The following MOB3B variants were observed in gnomAD, a reference collection of about 807,000 sequenced individuals.
MOB3B encodes MOB kinase activator-like 2B.
MOB3B carries 7 observed loss-of-function variants against 18.7 expected under a neutral mutation model. That is an observed-to-expected ratio of 0.37 (90% CI 0.21 to 0.70). The LOEUF (loss-of-function observed/expected upper bound fraction) is 0.70, where lower values mean the gene tolerates loss of function less well. MOB3B is among the 30% of genes least tolerant of loss of function. The pLI, the probability that MOB3B is intolerant of heterozygous loss-of-function variation, is 0.52. For missense variants in MOB3B, 253 were observed against 281.3 expected (o/e 0.90, Z 0.72); for synonymous variants, 111 against 99.9 (o/e 1.11, Z -0.66).
intron 3 of MOB3B, among the ~76,000 whole-genome samples, chr9:27,352,723 CACAAAGATGAGCAG>C (rs965395545): frequency 1.3e-5 from 2 of 152,182 alleles, no homozygotes; most frequent in African/African-American, 4.8e-5. Flanking sequence ...CACATCACAT[CACAAAGATGAGCAG>C]TGCTGCCCAG....
chr9:27,400,640 C>T lies in MOB3B; in HGVS notation c.419-41404G>A, dbSNP rs575526482. ...GTGATTTATTTGTCTAGACTGTGAA[C>T]ACTTCAAGAACAGGTGTGACATCAC... On this transcript the variant is annotated intron_variant, in intron 2 of 3. Transcript: ENST00000262244. Among the ~76,000 whole-genome samples, 6 of 152,316 alleles carry T rather than the reference C, an allele frequency of 3.9e-5. No individual in the cohort carries two copies. The South Asian group carries it at 6.2e-4, about 16-fold the overall frequency.
At chr9:27,483,324 G>T (rs920164435) in intron 1 of MOB3B, among the ~76,000 whole-genome samples, 1 of 151,734 alleles carries the variant, frequency 6.6e-6, no homozygotes, top group Non-Finnish European at 1.5e-5. Context: ...AATAGAAACG[G>T]GGTTTCACCG....
intron 2 of MOB3B, among the ~76,000 whole-genome samples, chr9:27,366,840 A>G (rs2131363084): frequency 6.6e-6 from 1 of 152,244 alleles, no homozygotes; most frequent in East Asian, 1.9e-4. Flanking sequence ...AGGCCCCTTT[A>G]TTGAGCACCT....
intron 3 of MOB3B, among the ~76,000 whole-genome samples, chr9:27,344,902 C>A (rs1344428959): frequency 6.6e-6 from 1 of 152,248 alleles, no homozygotes; most frequent in African/African-American, 2.4e-5. Flanking sequence ...CATACAATAA[C>A]AAAGCTGCTT....
intron 2 of MOB3B, among the ~76,000 whole-genome samples, chr9:27,394,641 G>A (rs1234988642): frequency 1.3e-5 from 2 of 152,232 alleles, no homozygotes; most frequent in African/African-American, 2.4e-5. Context: ...ATAGGAACCT[G>A]ACGGTCACAC....
At chr9:27,376,055 T>C (rs183780231) in intron 2 of MOB3B, among the ~76,000 whole-genome samples, 1 of 152,356 alleles carries the variant, frequency 6.6e-6, no homozygotes, top group African/African-American at 2.4e-5. Flanking sequence ...TCCAGTCTTT[T>C]TTCTGTGTGT....
chr9:27,376,607 A>G (rs1041732201), intron 2 of MOB3B, among the ~76,000 whole-genome samples: 12 of 152,348 alleles, frequency 7.9e-5, no homozygotes, highest in African/African-American at 2.4e-4. Flanking sequence ...AAAAAATAGA[A>G]TGGCAGTGTC....
At chr9:27,480,174 A>G (rs933696906) in intron 1 of MOB3B, among the ~76,000 whole-genome samples, 6 of 151,724 alleles carry the variant, frequency 4.0e-5, no homozygotes, top group Non-Finnish European at 7.4e-5. Flanking sequence ...TTTCTTTGAG[A>G]CAGAGTCTCA....
chr9:27,345,507 A>T (rs1821020095), intron 3 of MOB3B, among the ~76,000 whole-genome samples: 1 of 152,168 alleles, frequency 6.6e-6, no homozygotes, highest in Non-Finnish European at 1.5e-5. Context: ...TCTGATTTGG[A>T]AGCACTGGGC....
At chr9:27,440,811 T>C (rs189745431) in intron 2 of MOB3B, among the ~76,000 whole-genome samples, 252 of 152,214 alleles carry the variant, frequency 1.7e-3, no homozygotes, top group African/African-American at 5.8e-3. Flanking sequence ...TAACTGTGAA[T>C]ACTGATGTGA....
chr9:27,371,582 T>A (rs1190967603), intron 2 of MOB3B, among the ~76,000 whole-genome samples: 1 of 152,194 alleles, frequency 6.6e-6, no homozygotes. Context: ...ATGAACTAAT[T>A]CAAGTAAATT....
chr9:27,490,060 C>T (rs1439348930), intron 1 of MOB3B, among the ~76,000 whole-genome samples: 2 of 152,146 alleles, frequency 1.3e-5, no homozygotes, highest in Non-Finnish European at 1.5e-5. Context: ...AATCCATCAA[C>T]ACACTTCCCC....
At chr9:27,483,452 T>C (rs747820048) in intron 1 of MOB3B, among the ~76,000 whole-genome samples, 1 of 152,238 alleles carries the variant, frequency 6.6e-6, no homozygotes, top group Non-Finnish European at 1.5e-5. Context: ...ACTTCTTTCA[T>C]TGTTAAATCT....
At chr9:27,461,332 G>A (rs1019866638) in intron 1 of MOB3B, among the ~76,000 whole-genome samples, 1 of 152,184 alleles carries the variant, frequency 6.6e-6, no homozygotes, top group Non-Finnish European at 1.5e-5. Context: ...CTTATGCACT[G>A]TTTACCTTAT....
At chr9:27,376,884 G>T (rs1821497210) in intron 2 of MOB3B, among the ~76,000 whole-genome samples, 1 of 152,170 alleles carries the variant, frequency 6.6e-6, no homozygotes, top group South Asian at 2.1e-4. Flanking sequence ...AGAACCACAG[G>T]CCTAGAATAT....
chr9:27,436,661 T>C (rs192427397), intron 2 of MOB3B, among the ~76,000 whole-genome samples: 245 of 152,328 alleles, frequency 1.6e-3, no homozygotes, highest in African/African-American at 5.5e-3. Flanking sequence ...GTTATGATGA[T>C]TTGCATTTTA....
chr9:27,475,197 C>T (rs1819535766), intron 1 of MOB3B, among the ~76,000 whole-genome samples: 1 of 152,250 alleles, frequency 6.6e-6, no homozygotes, highest in African/African-American at 2.4e-5. Context: ...CAAAGGCCCT[C>T]AGGCCAACAG....
intron 2 of MOB3B, among the ~76,000 whole-genome samples, chr9:27,433,737 A>G (rs1056805571): frequency 6.6e-6 from 1 of 152,150 alleles, no homozygotes; most frequent in Admixed American, 6.6e-5. Flanking sequence ...TGCATATTGA[A>G]GGTGCATGGG....
At chr9:27,414,332 C>A (rs982482768) in intron 2 of MOB3B, among the ~76,000 whole-genome samples, 1 of 152,216 alleles carries the variant, frequency 6.6e-6, no homozygotes, top group Non-Finnish European at 1.5e-5. Context: ...TCTAAAGCCA[C>A]AAGGCCTTGG....
Sources: allele counts gnomAD v4.1 joint callset (sites outside exome capture counted in the v4.1 genomes callset), GRCh38; gene constraint gnomAD v4.1.1; transcripts MANE v1.5; gene names NCBI Gene and HGNC (gene_info 2026-07-23, HGNC 2026-07-21).